CPVL: variants seen among roughly 807,000 people sequenced by gnomAD.
CPVL encodes carboxypeptidase vitellogenic like, also known as probable serine carboxypeptidase CPVL.
Under a neutral mutation model 63.7 loss-of-function variants are expected in CPVL, and 51 were observed. The observed-to-expected ratio is 0.80, with a 90% CI of 0.64 to 1.01. The LOEUF (loss-of-function observed/expected upper bound fraction) is 1.01. Ranked by LOEUF, CPVL falls within the 50% of genes least tolerant of loss-of-function variation. The pLI is 0.00. For synonymous variants in CPVL, 195 were observed against 206.0 expected (o/e 0.95, Z 0.46); for missense variants, 530 against 573.1 (o/e 0.92, Z 0.77).
intron 5 of CPVL, among the ~76,000 whole-genome samples, chr7:29,173,287 A>ATGCATC (rs1161049778): frequency 1.4e-4 from 22 of 152,274 alleles, no homozygotes; most frequent in African/African-American, 5.1e-4. Flanking sequence ...ATTGCCCTGA[A>ATGCATC]TGCATCTGCC....
intron 5 of CPVL, among the ~76,000 whole-genome samples, chr7:29,157,166 C>T (rs1270113399): frequency 6.6e-6 from 1 of 152,198 alleles, no homozygotes; most frequent in Non-Finnish European, 1.5e-5. Context: ...TTTTCTCCCA[C>T]TTAACATCCT....
chr7:29,132,524 T>C (rs948096630), intron 1 of CPVL, among the ~76,000 whole-genome samples: 1 of 152,066 alleles, frequency 6.6e-6, no homozygotes, highest in African/African-American at 2.4e-5. Context: ...TCACTCCCCA[T>C]CCCCACATGA....
intron 12 of CPVL, among the ~76,000 whole-genome samples, chr7:29,017,494 A>G (rs1786532982): frequency 6.6e-6 from 1 of 152,170 alleles, no homozygotes; most frequent in South Asian, 2.1e-4. Context: ...TTAGCTGGGC[A>G]TGATGGTGTG....
chr7:29,165,435 T>G (rs181626438), intron 5 of CPVL, among the ~76,000 whole-genome samples: 5 of 152,342 alleles, frequency 3.3e-5, no homozygotes, highest in East Asian at 3.9e-4. Flanking sequence ...TGTAGGTTTC[T>G]TAGATTTTTT....
At chr7:29,051,981 A>C (rs10951209) in intron 11 of CPVL, among the ~76,000 whole-genome samples, 53,285 of 150,424 alleles carry the variant, frequency 0.35, 11,405 homozygotes, top group Non-Finnish European at 0.5. Context: ...AACCATAAAA[A>C]GGAATGAATT....
intron 7 of CPVL, among the ~76,000 whole-genome samples, chr7:29,079,034 A>C (rs1309553579): frequency 6.6e-6 from 1 of 152,202 alleles, no homozygotes; most frequent in Non-Finnish European, 1.5e-5. Flanking sequence ...TTGCATTCCA[A>C]AGACTTCAAG....
In CPVL at chr7:29,092,639, C is replaced by T. The variant is rs776638073; in HGVS notation, c.526G>A (p.Ala176Thr). The T allele has an allele frequency of 1.2e-6, 2 of 1,613,190 alleles. No homozygotes were observed. Among genetic ancestry groups the T allele is most frequent in the Non-Finnish European group, 1.7e-6 (2 of 1,179,162 alleles). Residue 176 changes from alanine (A) to threonine (T), a missense_variant, in exon 6 of 13, where the codon GCA becomes ACA. Ala to Thr is a moderately conservative substitution (Grantham distance 58). Transcript: ENST00000265394. ...HGYAVNEDDV[A>T]RDLYSALIQF... ...GCATTTTACCTGTATAAATCCCGTG[C>T]TACATCGTCCTCATTGACTGCATAT...
At chr7:29,047,746 T>C (rs1331051346) in intron 11 of CPVL, among the ~76,000 whole-genome samples, 1 of 152,174 alleles carries the variant, frequency 6.6e-6, no homozygotes, top group Non-Finnish European at 1.5e-5. Context: ...CCAATCAGGT[T>C]ATCCAAAGTT....
chr7:29,044,342 G>A (rs983471727), intron 11 of CPVL, among the ~76,000 whole-genome samples: 2 of 152,152 alleles, frequency 1.3e-5, no homozygotes, highest in African/African-American at 2.4e-5. Context: ...ACTTGAACCC[G>A]GGAGGTGGAG....
At chr7:29,054,334 T>G (rs1192649195) in intron 11 of CPVL, among the ~76,000 whole-genome samples, 1 of 152,232 alleles carries the variant, frequency 6.6e-6, no homozygotes, top group Non-Finnish European at 1.5e-5. Context: ...ATCTGTTGAT[T>G]CTAAATGCAC....
chr7:29,085,816 T>C (rs1249560821), intron 7 of CPVL, among the ~76,000 whole-genome samples: 2 of 152,150 alleles, frequency 1.3e-5, no homozygotes, highest in East Asian at 3.9e-4. Flanking sequence ...TGTTTTGACA[T>C]AACCTAAGCA....
At chr7:29,106,268 C>A (rs184900775) in intron 3 of CPVL, among the ~76,000 whole-genome samples, 254 of 152,264 alleles carry the variant, frequency 1.7e-3, no homozygotes, top group Non-Finnish European at 2.6e-3. Context: ...ATGGCCAAGG[C>A]TAGTGAGAGG....
intron 1 of CPVL, among the ~76,000 whole-genome samples, chr7:29,188,388 C>T (rs925998702): frequency 2.0e-5 from 3 of 152,120 alleles, no homozygotes; most frequent in African/African-American, 7.2e-5. Flanking sequence ...ATTAAACTTT[C>T]CTAGAATCAT....
chr7:29,071,251 C>G (rs1293914540), intron 9 of CPVL, among the ~76,000 whole-genome samples: 5 of 152,150 alleles, frequency 3.3e-5, no homozygotes, highest in Non-Finnish European at 7.3e-5. Flanking sequence ...AAAGGATATG[C>G]ACAAATACCA....
At chr7:29,114,927 C>G (rs1213417291) in intron 2 of CPVL, among the ~76,000 whole-genome samples, 1 of 152,118 alleles carries the variant, frequency 6.6e-6, no homozygotes, top group African/African-American at 2.4e-5. Flanking sequence ...CACCTCTGAG[C>G]AGAGGAGGTC....
chr7:29,087,953 T>C (rs1366722128), intron 6 of CPVL, among the ~76,000 whole-genome samples: 13 of 152,356 alleles, frequency 8.5e-5, no homozygotes, highest in East Asian at 3.9e-4. Context: ...GGCAATAAGC[T>C]GGCTTTAGAG....
At chr7:29,121,138 C>G in intron 1 of CPVL, 67 bp from the exon 2 acceptor site, 1 of 1,385,056 alleles carries the variant, frequency 7.2e-7, no homozygotes, top group Non-Finnish European at 9.6e-7. Context: ...CTTTTACATG[C>G]AAGAAATTCA....
rs370040181 is a variant in CPVL at position 29,144,233 on chromosome 7, T to C, written c.-11+2196A>G. The stretch of plus-strand genomic sequence containing the variant: ...CGGAAATGGTAAACTAAAACAATCA[T>C]GTTTGCTCTTTAGTGAACCATACTT... On this transcript the variant is annotated intron_variant, in intron 1 of 12. Transcript: ENST00000265394. Among the ~76,000 whole-genome samples the C allele has an allele frequency of 2.6e-5, 4 of 152,286 alleles. No homozygotes were observed. The East Asian group carries it at 5.8e-4, about 22-fold the overall frequency.
chr7:29,189,553 G>A lies in CPVL; in HGVS notation c.-447-3006C>T, dbSNP rs576272031. Reference sequence around the variant, plus strand: ...TTAGGACATTGAAGACAGAAAAGATGTTTGTAACCTGAAGTGTCAGGGAAC... The same window carrying A: ...TTAGGACATTGAAGACAGAAAAGATATTTGTAACCTGAAGTGTCAGGGAAC... On this transcript the variant is annotated intron_variant, in intron 1 of 16. Transcript: ENST00000409850. Among the ~76,000 whole-genome samples, 81 of 152,286 alleles carry A rather than the reference G, an allele frequency of 5.3e-4. 1 individual carries two copies. The highest frequency in any genetic ancestry group is 1.0e-3 in the Non-Finnish European group (69 of 68,010).
Sources: allele counts gnomAD v4.1 joint callset (sites outside exome capture counted in the v4.1 genomes callset), GRCh38; gene constraint gnomAD v4.1.1; transcripts MANE v1.5; gene names NCBI Gene and HGNC (gene_info 2026-07-23, HGNC 2026-07-21).